Variants in ACSF3 observed in about 807,000 individuals in gnomAD.
ACSF3 encodes malonate--CoA ligase ACSF3, mitochondrial.
ACSF3 carries 78 observed loss-of-function variants against 53.2 expected under a neutral mutation model. The ratio of observed to expected loss-of-function variants is 1.47; its 90% CI spans 1.22 to 1.77. The LOEUF (loss-of-function observed/expected upper bound fraction) is 1.77. Among genes scored for constraint, ACSF3 ranks in the 40% most tolerant of loss-of-function variants. The probability of loss-of-function intolerance (pLI) is 0.00; values close to 1 mark genes in which losing one functional copy is unlikely to be tolerated. For synonymous variants in ACSF3, 414 were observed against 333.1 expected (o/e 1.24, Z -2.65); for missense variants, 937 against 771.1 (o/e 1.22, Z -2.55).
chr16:89,121,638 T>C (rs1248580518), intron 7 of ACSF3, among the ~76,000 whole-genome samples: 2 of 152,216 alleles, frequency 1.3e-5, no homozygotes, highest in Admixed American at 6.5e-5. Flanking sequence ...CCACACATGA[T>C]TGACTGTGTT....
intron 10 of ACSF3, chr16:89,149,881 G>A (rs1052895321): frequency 2.6e-5 from 4 of 152,206 alleles, no homozygotes; most frequent in African/African-American, 9.7e-5. Flanking sequence ...GGCTGTTTTT[G>A]GCTTGAAGGT....
chr16:89,139,679 GCCTTCCGGGTT>G, intron 8 of ACSF3, among the ~76,000 whole-genome samples: 1 of 139,650 alleles, frequency 7.2e-6, no homozygotes, highest in East Asian at 2.4e-4. Flanking sequence ...TGCAACCTCC[GCCTTCCGGGTT>G]CAAGCAATTC....
At chr16:89,115,126 T>C (rs1304033663) in intron 6 of ACSF3, 3 of 213,500 alleles carry the variant, frequency 1.4e-5, no homozygotes, top group Non-Finnish European at 2.9e-5. Context: ...GCCCTTCCAG[T>C]CTGTCTAGAG....
intron 8 of ACSF3, among the ~76,000 whole-genome samples, chr16:89,144,077 T>C (rs190338586): frequency 6.6e-6 from 1 of 152,336 alleles, no homozygotes; most frequent in Admixed American, 6.5e-5. Flanking sequence ...CAGTCACGCA[T>C]ACCGCGCCCT....
At chr16:89,138,196 GC>G (rs1375266286) in intron 8 of ACSF3, among the ~76,000 whole-genome samples, 3 of 152,206 alleles carry the variant, frequency 2.0e-5, no homozygotes, top group Non-Finnish European at 4.4e-5. Context: ...GCCTCCCACA[GC>G]CTCTCCCTGT....
chr16:89,141,208 AT>A, intron 8 of ACSF3: 1 of 1,287,232 alleles, frequency 7.8e-7, no homozygotes, highest in Non-Finnish European at 1.0e-6. Flanking sequence ...TGAGCCCTTG[AT>A]AGCAGCGTCC....
chr16:89,139,177 C>T lies in ACSF3; in HGVS notation c.1366+5915C>T, dbSNP rs371029512. Reference sequence around the variant, plus strand: ...GGAGACACTGAGGTTTTTCCTCTTTCTTTGTTTTCCAGAGTCGGGAAAGTC... The same window carrying T: ...GGAGACACTGAGGTTTTTCCTCTTTTTTTGTTTTCCAGAGTCGGGAAAGTC... On this transcript the variant is annotated intron_variant, in intron 8 of 10. Coordinates refer to ENST00000614302, the MANE Select transcript of ACSF3 (RefSeq NM_001243279.3). Among the ~76,000 whole-genome samples the T allele has an allele frequency of 4.9e-4, 75 of 152,332 alleles. 1 individual carries two copies. The South Asian group carries it at 0.015, about 31-fold the overall frequency.
chr16:89,124,523 G>A (rs1907542330), intron 7 of ACSF3, among the ~76,000 whole-genome samples: 1 of 150,820 alleles, frequency 6.6e-6, no homozygotes, highest in Non-Finnish European at 1.5e-5. Context: ...CTGCATGTAT[G>A]TGTGTGTGTT....
chr16:89,133,279 T>C lies in ACSF3; in HGVS notation c.1366+17T>C, dbSNP rs766676473. 1.2e-6 allele frequency: 2 copies of C among 1,613,656 alleles called. No homozygotes were observed. Among genetic ancestry groups the C allele is most frequent in the East Asian group, 2.2e-5 (1 of 44,876 alleles). On this transcript the variant is annotated intron_variant, in intron 8 of 10. Coordinates refer to ENST00000614302, the MANE Select transcript of ACSF3 (RefSeq NM_001243279.3). ...TTAAGACAGGTAGGACCCAGCCCCA[T>C]GGGAGTGGAGGAGACCCCGAGGGGA...
chr16:89,108,497 A>G (rs1364185894), intron 4 of ACSF3, among the ~76,000 whole-genome samples: 1 of 152,178 alleles, frequency 6.6e-6, no homozygotes, highest in East Asian at 1.9e-4. Context: ...AAAATTCATT[A>G]TTGTAAATTT....
Position 89,112,162 on chromosome 16 carries a change from C to T in ACSF3, c.893C>T (p.Thr298Ile). 1 of 1,215,134 alleles carries T rather than the reference C, an allele frequency of 8.2e-7. No individual in the cohort carries two copies. Among genetic ancestry groups the T allele is most frequent in the Non-Finnish European group, 1.0e-6 (1 of 958,556 alleles). 75.3% of individuals were successfully genotyped at this position (1,215,134 alleles called of 1,614,324 possible). ...TTTATGGCAGTGCCTACAATATACA[C>T]CAAGCTGATGGAGTACTACGACAGG... ...NVFMAVPTIY[T>I]KLMEYYDRHF... is the part of the protein sequence containing the mutation. Residue 298 changes from threonine (T) to isoleucine (I), a missense_variant, in exon 5 of 11, where the codon ACC becomes ATC. Physicochemically the swap from Thr to Ile is moderately conservative, Grantham distance 89. Transcript: ENST00000614302.
intron 6 of ACSF3, among the ~76,000 whole-genome samples, chr16:89,119,928 G>C (rs145844617): frequency 1.3e-5 from 2 of 152,246 alleles, no homozygotes; most frequent in African/African-American, 4.8e-5. Context: ...CATGATAAGC[G>C]TTCAGGCACT....
At chr16:89,137,196 C>T (rs576372157) in intron 8 of ACSF3, among the ~76,000 whole-genome samples, 1 of 152,278 alleles carries the variant, frequency 6.6e-6, no homozygotes, top group Admixed American at 6.5e-5. Flanking sequence ...GGTGAGGAAA[C>T]CTGATAACCG....
chr16:89,106,358 T>C (rs967424881), intron 4 of ACSF3, among the ~76,000 whole-genome samples: 11 of 151,850 alleles, frequency 7.2e-5, no homozygotes, highest in Non-Finnish European at 1.0e-4. Context: ...AGTGGCACGA[T>C]CTCGGCTCAC....
chr16:89,110,972 C>A (rs546570476), intron 4 of ACSF3, among the ~76,000 whole-genome samples: 1 of 152,266 alleles, frequency 6.6e-6, no homozygotes, highest in South Asian at 2.1e-4. Context: ...TCTGCTGCGT[C>A]TTGTTTGTTA....
intron 3 of ACSF3, chr16:89,102,344 A>T: frequency 1.9e-6 from 1 of 530,772 alleles, no homozygotes; most frequent in Admixed American, 3.0e-5. Flanking sequence ...CCACTCCCCG[A>T]CCTTCTAAAT....
At chr16:89,100,445 T>A (rs1471453294) in intron 2 of ACSF3, among the ~76,000 whole-genome samples, 2 of 152,326 alleles carry the variant, frequency 1.3e-5, no homozygotes, top group East Asian at 3.9e-4. Flanking sequence ...CTTAAACTCA[T>A]GAAGTGAAAT....
rs1367581351 is a variant in ACSF3 at position 89,155,925 on chromosome 16, G to A, written c.*1718G>A. ...TACTACAAACTACAGAAAGCCTGGA[G>A]CTCATTGACCAGAAACTGCAGAGAG... On this transcript the variant is annotated 3_prime_UTR_variant, in exon 11 of 11. Coordinates refer to ENST00000614302, the MANE Select transcript of ACSF3 (RefSeq NM_001243279.3). 1 of 370,824 alleles carries A rather than the reference G, an allele frequency of 2.7e-6. No individual in the cohort carries two copies. Among genetic ancestry groups the A allele is most frequent in the Non-Finnish European group, 5.3e-6 (1 of 189,974 alleles). The allele number at this position is 370,824 out of a possible 1,614,324, so 23.0% of individuals were successfully genotyped here.
chr16:89,095,744 A>C (rs1305031518), intron 1 of ACSF3, among the ~76,000 whole-genome samples: 1 of 152,206 alleles, frequency 6.6e-6, no homozygotes, highest in Non-Finnish European at 1.5e-5. Flanking sequence ...CCTGCTGAGC[A>C]CGGCGCGGCC....
Sources: allele counts gnomAD v4.1 joint callset (sites outside exome capture counted in the v4.1 genomes callset), GRCh38; gene constraint gnomAD v4.1.1; transcripts MANE v1.5; gene names NCBI Gene and HGNC (gene_info 2026-07-23, HGNC 2026-07-21).